Variants in IFFO1 observed in about 807,000 individuals in gnomAD.
IFFO1 encodes intermediate filament family orphan 1.
IFFO1 carries 42 observed loss-of-function variants against 59.6 expected under a neutral mutation model. The ratio of observed to expected loss-of-function variants is 0.70; its 90% CI spans 0.55 to 0.91. The LOEUF (loss-of-function observed/expected upper bound fraction) is 0.91, where lower values mean the gene tolerates loss of function less well. Ranked by LOEUF, IFFO1 falls within the 40% of genes least tolerant of loss-of-function variation. The pLI is 0.00. For missense variants in IFFO1, 711 were observed against 793.2 expected, an observed-to-expected ratio of 0.90 and a Z score of 1.24; for synonymous variants, 336 against 342.8, an observed-to-expected ratio of 0.98 and a Z score of 0.22.
downstream of IFFO1, chr12:6,539,022 C>T (rs1156254194): frequency 2.6e-5 from 4 of 152,072 alleles, no homozygotes; most frequent in Admixed American, 6.5e-5. Context: ...CCATCATCGT[C>T]CTTAGGGGAA....
In IFFO1 at chr12:6,548,608, G is replaced by C; in HGVS notation, c.1262+60C>G. 6.2e-7 allele frequency: 1 copy of C among 1,613,464 alleles called. No individual in the cohort carries two copies. The highest frequency in any genetic ancestry group is 8.5e-7 in the Non-Finnish European group (1 of 1,179,568). On this transcript the variant is annotated intron_variant, in intron 6 of 9. Coordinates refer to ENST00000619571, the MANE Select transcript of IFFO1 (RefSeq NM_001193457.2). The surrounding 1 kb of genome is among the most constrained non-coding windows in gnomAD (Gnocchi z 6.1). The stretch of plus-strand genomic sequence containing the variant: ...CCTCGTCCTGGCGGGGGACTGGGGA[G>C]CTCCGGCCTCCTGGGCTGCTGTGGC...
At position 6,555,838 on chromosome 12, in the gene IFFO1, C is replaced by A; in HGVS notation, c.192G>T (p.Met64Ile). The change falls in exon 1 of 10, where the codon ATG becomes ATT. Residue 64 changes from methionine to isoleucine, a missense_variant. This residue lies in a region of IFFO1 where 114 missense variants were observed against 102.4 expected (regional missense o/e 1.11). Coordinates refer to ENST00000619571, the MANE Select transcript of IFFO1 (RefSeq NM_001193457.2). The surrounding 1 kb of genome is among the most constrained non-coding windows in gnomAD (Gnocchi z 8.6). ...PGPGPAPPAA[M>I]ALRNDLGSNI... ...TGGAGCCCAGGTCATTGCGGAGGGCCATGGCGGCAGGCGGGGCCGGGCCCG... is the reference window on the plus strand; with the variant it reads ...TGGAGCCCAGGTCATTGCGGAGGGCAATGGCGGCAGGCGGGGCCGGGCCCG... The A allele has an allele frequency of 6.2e-7, 1 of 1,610,772 alleles. No homozygotes were observed. Among genetic ancestry groups the A allele is most frequent in the Non-Finnish European group, 8.5e-7 (1 of 1,178,744 alleles).
Position 6,548,748 on chromosome 12 carries a change from C to T in IFFO1, c.1182G>A (p.Gly394=). The change falls in exon 6 of 10, where the codon GGG becomes GGA. Residue 394 remains glycine, a synonymous_variant. Transcript: ENST00000619571. The surrounding 1 kb of genome is among the most constrained non-coding windows in gnomAD (Gnocchi z 6.1). ...CCTCATCCCCATCGGGCTGGCGGGG[C>T]CCCTCACTCTCCGACAGGGAGGTGT... ...EEDTSLSESE[G]PRQPDGDEEE... is the part of the protein sequence containing the mutation. 3.1e-6 allele frequency: 5 copies of T among 1,614,046 alleles called. No individual in the cohort carries two copies. The highest frequency in any genetic ancestry group is 4.2e-6 in the Non-Finnish European group (5 of 1,179,992).
Position 6,548,636 on chromosome 12 carries a change from C to T in IFFO1, c.1262+32G>A, listed in dbSNP as rs369806535. On this transcript the variant is annotated intron_variant, in intron 6 of 9. Transcript: ENST00000619571. This position sits in a 1 kb window ranked among gnomAD's most constrained non-coding sequence, Gnocchi z 6.1. ...CCGGCCTCCTGGGCTGCTGTGGCGT[C>T]GGTGCTGCGGGAGCACGGCCTGCGG... 149 of 1,613,844 alleles carry T rather than the reference C, an allele frequency of 9.2e-5. No individual in the cohort carries two copies. In the African/African-American group the frequency reaches 1.5e-3, roughly 16 times the overall value.
chr12:6,549,739 G>T lies in IFFO1; in HGVS notation c.1071+17C>A. 6.2e-7 allele frequency: 1 copy of T among 1,605,732 alleles called. No individual in the cohort carries two copies. The highest frequency in any genetic ancestry group is 8.5e-7 in the Non-Finnish European group (1 of 1,173,642). On this transcript the variant is annotated intron_variant, in intron 4 of 9. Coordinates refer to ENST00000619571, the MANE Select transcript of IFFO1 (RefSeq NM_001193457.2). The surrounding 1 kb of genome is among the most constrained non-coding windows in gnomAD (Gnocchi z 5.0). ...GCCCCACCCACCCCTGAGAGCAGAG[G>T]GCAGCTCCGTCCTCACCTGGAACAT...
In IFFO1 at chr12:6,541,005, G is replaced by A. The variant is rs1375643606; in HGVS notation, c.1611-417C>T. Among the ~76,000 whole-genome samples the A allele has an allele frequency of 1.4e-5, 2 of 141,888 alleles. No homozygotes were observed. Among genetic ancestry groups the A allele is most frequent in the Admixed American group, 1.4e-4 (2 of 13,872 alleles). 93.1% of individuals were successfully genotyped at this position (141,888 alleles called of 152,430 possible). A position where few individuals can be genotyped will look rare whatever the true frequency, so the allele number is the denominator to read the frequency against. On this transcript the variant is annotated intron_variant, in intron 9 of 9. Transcript: ENST00000619571. This position sits in a 1 kb window ranked among gnomAD's most constrained non-coding sequence, Gnocchi z 4.8. ...AGATAATCACTTGAACCTGGGAGGC[G>A]GAGGTTGTAGTGAGCCAAAAAAAAA...
chr12:6,546,180 A>G (rs1946954193), intron 8 of IFFO1, among the ~76,000 whole-genome samples: 1 of 152,238 alleles, frequency 6.6e-6, no homozygotes, highest in African/African-American at 2.4e-5. Context: ...GGAGACATGA[A>G]CAGAAACACG....
At chr12:6,539,101 A>C (rs796631413), downstream of IFFO1, 1 of 152,266 alleles carries the variant, frequency 6.6e-6, no homozygotes, top group Non-Finnish European at 1.5e-5. Context: ...TGAACGGCTC[A>C]GTTGCTTTGG....
rs1215589146 is a variant in IFFO1 at position 6,548,423 on chromosome 12, A to T, written c.1383+2T>A. 3 of 1,607,676 alleles carry T rather than the reference A, an allele frequency of 1.9e-6. No homozygotes were observed. The highest frequency in any genetic ancestry group is 2.5e-6 in the Non-Finnish European group (3 of 1,176,876). On this transcript the variant is annotated splice_donor_variant, in intron 7 of 9. Coordinates refer to ENST00000619571, the MANE Select transcript of IFFO1 (RefSeq NM_001193457.2). LOFTEE classifies it high-confidence loss of function. The surrounding 1 kb of genome is among the most constrained non-coding windows in gnomAD (Gnocchi z 6.1). ...GGCCCTGAGGCCGGGAGCAGAGGTT[A>T]CCTCTCCCTGGGCCTCTGCAGCTGC...
Position 6,548,211 on chromosome 12 carries a change from G to A in IFFO1, c.1384-51C>T. ...GGCCAGCCAAGGAGGGATGGGATGG[G>A]ACGCATTCCAAAGGGCCAAGTCAGG... On this transcript the variant is annotated intron_variant, in intron 7 of 9. Transcript: ENST00000619571. The surrounding 1 kb of genome is among the most constrained non-coding windows in gnomAD (Gnocchi z 6.1). 6.7e-7 allele frequency: 1 copy of A among 1,500,716 alleles called. No individual in the cohort carries two copies. Among genetic ancestry groups the A allele is most frequent in the Non-Finnish European group, 9.3e-7 (1 of 1,077,038 alleles). The allele number at this position is 1,500,716 out of a possible 1,614,324, so 93.0% of individuals were successfully genotyped here.
chr12:6,545,948 C>T (rs1946941963), intron 8 of IFFO1, among the ~76,000 whole-genome samples: 1 of 152,180 alleles, frequency 6.6e-6, no homozygotes, highest in African/African-American at 2.4e-5. Flanking sequence ...AATATGCTCC[C>T]TTTAAGTGAA....
intron 1 of IFFO1, chr12:6,551,263 G>T (rs531478635): frequency 3.2e-6 from 2 of 615,584 alleles, no homozygotes; most frequent in Non-Finnish European, 5.4e-6. Context: ...GCTCTGTTTG[G>T]GCAAGTGCTG....
At chr12:6,547,939 G>A (rs1302057261) in intron 8 of IFFO1, 126 bp downstream of exon 8, 2 of 741,684 alleles carry the variant, frequency 2.7e-6, no homozygotes, top group East Asian at 4.9e-5. Flanking sequence ...CTATAGCTGA[G>A]AGATCACTCC....
rs2136126669 is a variant in IFFO1, at chr12:6,549,354, G to A, written c.1080+122C>T. 1 of 886,892 alleles carries A rather than the reference G, an allele frequency of 1.1e-6. No individual in the cohort carries two copies. Among genetic ancestry groups the A allele is most frequent in the Non-Finnish European group, 1.8e-6 (1 of 543,684 alleles). 54.9% of individuals were successfully genotyped at this position (886,892 alleles called of 1,614,324 possible). Reference sequence around the variant, plus strand: ...AAAAAGGGGGAAGAGCAAGGAAAAGGGAAAGGGCAGAAAAAAATCCGTGCT... The same window carrying A: ...AAAAAGGGGGAAGAGCAAGGAAAAGAGAAAGGGCAGAAAAAAATCCGTGCT... On this transcript the variant is annotated intron_variant, in intron 5 of 9. Transcript: ENST00000619571. The surrounding 1 kb of genome is among the most constrained non-coding windows in gnomAD (Gnocchi z 5.0).
In IFFO1 at chr12:6,549,341, G is replaced by A. The variant is rs1028863689; in HGVS notation, c.1080+135C>T. On this transcript the variant is annotated intron_variant, in intron 5 of 9. Coordinates refer to ENST00000619571, the MANE Select transcript of IFFO1 (RefSeq NM_001193457.2). This position sits in a 1 kb window ranked among gnomAD's most constrained non-coding sequence, Gnocchi z 5.0. ...AAGAGATAGAGAGAAAAAGGGGGAA[G>A]AGCAAGGAAAAGGGAAAGGGCAGAA... is the stretch of plus-strand genomic sequence containing the variant. 5.1e-6 allele frequency: 4 copies of A among 782,342 alleles called. No individual in the cohort carries two copies. The highest frequency in any genetic ancestry group is 8.7e-6 in the Non-Finnish European group (4 of 457,740). 48.5% of individuals were successfully genotyped at this position (782,342 alleles called of 1,614,324 possible).
Position 6,556,033 on chromosome 12 carries a change from T to C in IFFO1, c.-4A>G. The C allele has an allele frequency of 1.3e-6, 2 of 1,575,138 alleles. No homozygotes were observed. Among genetic ancestry groups the C allele is most frequent in the South Asian group, 1.1e-5 (1 of 87,748 alleles). ...TGGGGCCGAATAACGGATTCATGGC[T>C]GCGCCTTCTGCTGGGAGATGCAGAC... On this transcript the variant is annotated 5_prime_UTR_variant, in exon 1 of 10. Coordinates refer to ENST00000619571, the MANE Select transcript of IFFO1 (RefSeq NM_001193457.2).
intron 8 of IFFO1, among the ~76,000 whole-genome samples, chr12:6,542,127 G>A (rs980607979): frequency 7.9e-5 from 12 of 152,190 alleles, no homozygotes; most frequent in Admixed American, 3.3e-4. Context: ...TCTGTGACCC[G>A]TGGCATACAA....
chr12:6,550,703 T>C lies in IFFO1; in HGVS notation c.922A>G (p.Met308Val). 1 of 1,613,066 alleles carries C rather than the reference T, an allele frequency of 6.2e-7. No individual in the cohort carries two copies. Among genetic ancestry groups the C allele is most frequent in the Non-Finnish European group, 8.5e-7 (1 of 1,178,976 alleles). Residue 308 changes from methionine to valine, a missense_variant, in exon 3 of 10, where the codon ATG becomes GTG. Transcript: ENST00000619571. ...KAELVVFKGL[M>V]SNNLSELDTK... ...CCTGGGGCTGCACTCACGTTACTCA[T>C]GAGCCCCTTGAAGACCACCAGCTCA... is the stretch of plus-strand genomic sequence containing the variant.
intron 1 of IFFO1, 25 bp from the exon 2 acceptor site, chr12:6,551,026 A>G: frequency 6.2e-7 from 1 of 1,613,078 alleles, no homozygotes; most frequent in Non-Finnish European, 8.5e-7. Flanking sequence ...AAGGGCGGAG[A>G]GAGCTTAGGT....
Sources: allele counts gnomAD v4.1 joint callset (sites outside exome capture counted in the v4.1 genomes callset), GRCh38; gene constraint gnomAD v4.1.1; regional missense constraint gnomAD v4.1.1; non-coding constraint Gnocchi (gnomAD v3.1); transcripts MANE v1.5; gene names NCBI Gene and HGNC (gene_info 2026-07-23, HGNC 2026-07-21).